The following ZNF548 variants were observed in gnomAD, a reference collection of about 807,000 sequenced individuals.
ZNF548 encodes zinc finger protein 548.
In ZNF548, 10 loss-of-function variants were observed where a neutral mutation model predicts 10.2. The observed-to-expected ratio is 0.98, with a 90% CI of 0.60 to 1.66. The LOEUF (loss-of-function observed/expected upper bound fraction) is 1.66. Among genes scored for constraint, ZNF548 ranks in the 40% most tolerant of loss-of-function variants. ZNF548 has a pLI of 0.00. For missense variants in ZNF548, 599 were observed against 657.0 expected, an observed-to-expected ratio of 0.91 and a Z score of 0.97; for synonymous variants, 217 against 223.5, an observed-to-expected ratio of 0.97 and a Z score of 0.26.
intron 3 of ZNF548, among the ~76,000 whole-genome samples, chr19:57,397,562 C>T (rs956818561): frequency 6.6e-6 from 1 of 152,148 alleles, no homozygotes; most frequent in African/African-American, 2.4e-5. Context: ...GCCCTGGTCA[C>T]TGATTTTGGG....
intron 2 of ZNF548, 172 bp from the exon 3 acceptor site, chr19:57,396,876 T>C (rs2088669549): frequency 2.1e-6 from 2 of 936,630 alleles, no homozygotes; most frequent in South Asian, 2.1e-5. Flanking sequence ...ACGGGAAATA[T>C]TGGCTTGGTT....
At chr19:57,397,327 T>A in intron 3 of ZNF548, 153 bp downstream of exon 3, 2 of 1,218,412 alleles carry the variant, frequency 1.6e-6, no homozygotes, top group South Asian at 4.5e-5. Flanking sequence ...GGCTGGGCCG[T>A]GTGTTTTATA....
At chr19:57,393,570 G>A (rs947474165) in intron 1 of ZNF548, among the ~76,000 whole-genome samples, 3 of 151,372 alleles carry the variant, frequency 2.0e-5, no homozygotes, top group Admixed American at 6.6e-5. Flanking sequence ...TGAGGCAGGC[G>A]AATTGCTTGA....
Position 57,399,296 on chromosome 19 carries a change from T to G in ZNF548, c.1045T>G (p.Tyr349Asp), listed in dbSNP as rs762529443. 1.2e-6 allele frequency: 2 copies of G among 1,614,024 alleles called. No individual in the cohort carries two copies. The highest frequency in any genetic ancestry group is 1.7e-5 in the Admixed American group (1 of 60,020). ...HQRVHTGERP[Y>D]KCNDCGKFFR... ...GAGAGTTCACACCGGAGAAAGACCT[T>G]ATAAGTGCAATGATTGTGGGAAATT... The change falls in exon 4 of 4, where the codon TAT (tyrosine) becomes GAT (aspartate). Residue 349 changes from tyrosine to aspartate, a missense_variant. Coordinates refer to ENST00000336128, the MANE Select transcript of ZNF548 (RefSeq NM_001172773.2). This position sits in a 1 kb window ranked among gnomAD's most constrained non-coding sequence, Gnocchi z 4.0.
At chr19:57,391,757 T>C (rs2088626683) in intron 1 of ZNF548, among the ~76,000 whole-genome samples, 1 of 151,954 alleles carries the variant, frequency 6.6e-6, no homozygotes, top group Non-Finnish European at 1.5e-5. Context: ...TTATGTGTCT[T>C]CTTTTTGAAA....
chr19:57,392,472 G>T (rs777283207), intron 1 of ZNF548, among the ~76,000 whole-genome samples: 2 of 152,198 alleles, frequency 1.3e-5, no homozygotes, highest in Non-Finnish European at 2.9e-5. Flanking sequence ...TATGGCAAGA[G>T]AAATTGGTCC....
chr19:57,399,324 T>C lies in ZNF548; in HGVS notation c.1073T>C (p.Phe358Ser). 1 of 1,614,084 alleles carries C rather than the reference T, an allele frequency of 6.2e-7. No individual in the cohort carries two copies. The highest frequency in any genetic ancestry group is 8.5e-7 in the Non-Finnish European group (1 of 1,179,952). The change falls in exon 4 of 4, where the codon TTT becomes TCT. Residue 358 changes from phenylalanine to serine, a missense_variant. Phe to Ser is a radical substitution (Grantham distance 155). Coordinates refer to ENST00000336128, the MANE Select transcript of ZNF548 (RefSeq NM_001172773.2). The surrounding 1 kb of genome is among the most constrained non-coding windows in gnomAD (Gnocchi z 4.0). ...AAGTGCAATGATTGTGGGAAATTTTTTAGGTATATCTCCACACTCATTAGA... is the reference window on the plus strand; with the variant it reads ...AAGTGCAATGATTGTGGGAAATTTTCTAGGTATATCTCCACACTCATTAGA... ...PYKCNDCGKF[F>S]RYISTLIRHQ... is the part of the protein sequence containing the mutation.
intron 1 of ZNF548, 55 bp downstream of exon 1, chr19:57,390,169 C>T: frequency 1.3e-5 from 21 of 1,590,496 alleles, no homozygotes; most frequent in East Asian, 2.2e-5. Flanking sequence ...GTGCTGAAGC[C>T]CCCTGAAGGG....
rs753772175 is a variant in ZNF548, at chr19:57,390,065, G to T, written c.-35G>T. On this transcript the variant is annotated 5_prime_UTR_variant, in exon 1 of 4. Transcript: ENST00000336128. ...GTCTTGCCTTTGTCGCTCCCGCCCC[G>T]CTCTTCCCTGGCTGGGCTGGCGGAG... The T allele has an allele frequency of 1.9e-6, 3 of 1,607,250 alleles. 1 individual carries two copies. The Admixed American group carries it at 5.0e-5, about 27-fold the overall frequency.
chr19:57,392,145 G>GT (rs576443256), intron 1 of ZNF548, among the ~76,000 whole-genome samples: 2 of 151,786 alleles, frequency 1.3e-5, no homozygotes, highest in Non-Finnish European at 2.9e-5. Flanking sequence ...TTTTTGTTAT[G>GT]TTTTGTTTGT....
chr19:57,399,435 A>T lies in ZNF548; in HGVS notation c.1184A>T (p.His395Leu). The T allele has an allele frequency of 6.2e-7, 1 of 1,614,200 alleles. No individual in the cohort carries two copies. Among genetic ancestry groups the T allele is most frequent in the Non-Finnish European group, 8.5e-7 (1 of 1,180,034 alleles). The change falls in exon 4 of 4, where the codon CAT becomes CTT. Residue 395 changes from histidine (H) to leucine (L), a missense_variant. Physicochemically the swap from His to Leu is moderately conservative, Grantham distance 99. Transcript: ENST00000336128. The surrounding 1 kb of genome is among the most constrained non-coding windows in gnomAD (Gnocchi z 4.0). ...LFRYNSSLVK[H>L]WRNHTGERPY... Reference sequence around the variant, plus strand: ...AGGTACAACTCCAGCCTTGTTAAACATTGGAGAAATCACACTGGAGAAAGG... The same window carrying T: ...AGGTACAACTCCAGCCTTGTTAAACTTTGGAGAAATCACACTGGAGAAAGG...
At chr19:57,394,143 T>TC in intron 1 of ZNF548, 45 bp from the exon 2 acceptor site, 5 of 1,588,076 alleles carry the variant, frequency 3.1e-6, no homozygotes, top group Non-Finnish European at 4.3e-6. Context: ...GCCTGAAGGA[T>TC]CCTTCCATGG....
At position 57,400,542 on chromosome 19, in the gene ZNF548, C is replaced by T. The variant is rs1357914995; in HGVS notation, c.*653C>T. 1 of 152,256 alleles carries T rather than the reference C, an allele frequency of 6.6e-6. No individual in the cohort carries two copies. Among genetic ancestry groups the T allele is most frequent in the Non-Finnish European group, 1.5e-5 (1 of 68,176 alleles). 9.4% of individuals were successfully genotyped at this position (152,256 alleles called of 1,614,324 possible). ...CCGCCTCCCAGGTTCATGCCATTCT[C>T]CTGCCTCACCCTCCCGAGTAGCTGG... On this transcript the variant is annotated 3_prime_UTR_variant, in exon 4 of 4. Coordinates refer to ENST00000336128, the MANE Select transcript of ZNF548 (RefSeq NM_001172773.2).
chr19:57,396,025 G>A (rs1050288817), intron 2 of ZNF548, among the ~76,000 whole-genome samples: 1 of 152,224 alleles, frequency 6.6e-6, no homozygotes, highest in Non-Finnish European at 1.5e-5. Context: ...GATGCTGAGC[G>A]TATTTGCCGT....
rs746298185 is a variant in ZNF548, at chr19:57,399,807, C to G, written c.1556C>G (p.Ser519Cys). 6.2e-7 allele frequency: 1 copy of G among 1,613,924 alleles called. No homozygotes were observed. Among genetic ancestry groups the G allele is most frequent in the South Asian group, 1.1e-5 (1 of 91,078 alleles). The change falls in exon 4 of 4, where the codon TCC (serine) becomes TGC (cysteine). Residue 519 changes from serine to cysteine, a missense_variant. By Grantham distance (112) the Ser-to-Cys change is moderately radical (BLOSUM62 -1). Coordinates refer to ENST00000336128, the MANE Select transcript of ZNF548 (RefSeq NM_001172773.2). The surrounding 1 kb of genome is among the most constrained non-coding windows in gnomAD (Gnocchi z 4.0). ...CACAGTGAAGAGAGGCTTGTGTGCT[C>G]CATGAATGTGGGGAATTCTTTAGCT... ...KIHSEERLVCSMNVGNSLAKT... is the reference protein window; with the variant it reads ...KIHSEERLVCCMNVGNSLAKT...
chr19:57,399,511 C>T lies in ZNF548; in HGVS notation c.1260C>T (p.Leu420=), dbSNP rs766938735. 3 of 1,613,810 alleles carry T rather than the reference C, an allele frequency of 1.9e-6. No individual in the cohort carries two copies. Among genetic ancestry groups the T allele is most frequent in the Non-Finnish European group, 2.5e-6 (3 of 1,179,964 alleles). Residue 420 remains leucine, a synonymous_variant, in exon 4 of 4, where the codon CTC becomes CTT. Coordinates refer to ENST00000336128, the MANE Select transcript of ZNF548 (RefSeq NM_001172773.2). The surrounding 1 kb of genome is among the most constrained non-coding windows in gnomAD (Gnocchi z 4.0). The part of the protein sequence containing the change: ...CGKSFRYHCR[L]IRHQRVHTGE... ...AATCATTTAGGTACCACTGCAGGCT[C>T]ATTAGACACCAGAGAGTCCACACGG...
rs1403584999 is a variant in ZNF548 at position 57,398,525 on chromosome 19, A to T, written c.274A>T (p.Ser92Cys). The T allele has an allele frequency of 6.2e-7, 1 of 1,614,014 alleles. No individual in the cohort carries two copies. Among genetic ancestry groups the T allele is most frequent in the Non-Finnish European group, 8.5e-7 (1 of 1,179,952 alleles). ...EVTASKPCLSSQKVHPSETCG... is the reference protein window; with the variant it reads ...EVTASKPCLSCQKVHPSETCG... ...TACAGCTTCAAAGCCCTGTCTGTCC[A>T]GCCAGAAGGTCCACCCTAGTGAGAC... The change falls in exon 4 of 4, where the codon AGC becomes TGC. Residue 92 changes from serine to cysteine, a missense_variant. Coordinates refer to ENST00000336128, the MANE Select transcript of ZNF548 (RefSeq NM_001172773.2).
rs2088721643 is a variant in ZNF548, at chr19:57,402,058, T to C, written c.*2169T>C. 1 of 152,156 alleles carries C rather than the reference T, an allele frequency of 6.6e-6. No homozygotes were observed. The highest frequency in any genetic ancestry group is 1.5e-5 in the Non-Finnish European group (1 of 68,034). The allele number at this position is 152,156 out of a possible 1,614,324, so 9.4% of individuals were successfully genotyped here. A position where few individuals can be genotyped will look rare whatever the true frequency, so the allele number is the denominator to read the frequency against. ...ACTGTGCCTGGCTACATTTAGATCT[T>C]TAATCTACTTGGGGTTCATTTTTGC... On this transcript the variant is annotated 3_prime_UTR_variant, in exon 4 of 4. Transcript: ENST00000336128.
chr19:57,391,223 T>C (rs1236761604), intron 1 of ZNF548, among the ~76,000 whole-genome samples: 2 of 152,142 alleles, frequency 1.3e-5, no homozygotes, highest in African/African-American at 2.4e-5. Flanking sequence ...TATTTGACTT[T>C]CTGTTTCTGA....
Sources: allele counts gnomAD v4.1 joint callset (sites outside exome capture counted in the v4.1 genomes callset), GRCh38; gene constraint gnomAD v4.1.1; non-coding constraint Gnocchi (gnomAD v3.1); transcripts MANE v1.5; gene names NCBI Gene and HGNC (gene_info 2026-07-23, HGNC 2026-07-21).